The following LRRC4C variants were observed in gnomAD, a reference collection of about 807,000 sequenced individuals.
The protein encoded by LRRC4C is leucine-rich repeat-containing protein 4C.
Under a neutral mutation model 33.6 loss-of-function variants are expected in LRRC4C, and 5 were observed. The ratio of observed to expected loss-of-function variants is 0.15; its 90% CI spans 0.08 to 0.31. The LOEUF is 0.31. LRRC4C is among the 10% of genes least tolerant of loss of function. LRRC4C has a pLI of 1.00. For missense variants in LRRC4C, 560 were observed against 796.7 expected (o/e 0.70, Z 3.58); for synonymous variants, 329 against 302.0 (o/e 1.09, Z -0.93).
intron 1 of LRRC4C, among the ~76,000 whole-genome samples, chr11:41,001,622 A>T (rs1044986254): frequency 2.0e-5 from 3 of 152,046 alleles, no homozygotes; most frequent in Non-Finnish European, 4.4e-5. Context: ...TAAAAAAAAA[A>T]ATCCACCCAC....
chr11:40,164,008 C>T (rs1436845696), intron 5 of LRRC4C, among the ~76,000 whole-genome samples: 1 of 152,124 alleles, frequency 6.6e-6, no homozygotes, highest in Non-Finnish European at 1.5e-5. Flanking sequence ...TATGTTAGCA[C>T]ATTGTAGCAA....
intron 1 of LRRC4C, among the ~76,000 whole-genome samples, chr11:40,967,239 G>T (rs1851427137): frequency 6.6e-6 from 1 of 151,648 alleles, no homozygotes; most frequent in African/African-American, 2.4e-5. Flanking sequence ...AGAAAGTCAG[G>T]GAAAGAGAAG....
At chr11:40,921,660 AT>A (rs1488436834) in intron 2 of LRRC4C, among the ~76,000 whole-genome samples, 1 of 152,214 alleles carries the variant, frequency 6.6e-6, no homozygotes, top group African/African-American at 2.4e-5. Context: ...TTTGAGGTAC[AT>A]ATGACATTTT....
At chr11:40,151,159 C>A (rs1179102605) in intron 5 of LRRC4C, among the ~76,000 whole-genome samples, 1 of 152,092 alleles carries the variant, frequency 6.6e-6, no homozygotes, top group East Asian at 1.9e-4. Flanking sequence ...CTAACTTTTC[C>A]CCAAGAGTTT....
chr11:40,898,278 C>T (rs993311463), intron 2 of LRRC4C, among the ~76,000 whole-genome samples: 10 of 138,948 alleles, frequency 7.2e-5, no homozygotes, highest in Admixed American at 7.1e-4. Flanking sequence ...TGCTTGAACC[C>T]GGGAGGCGGA....
intron 1 of LRRC4C, among the ~76,000 whole-genome samples, chr11:41,391,132 CTG>C (rs1187466996): frequency 1.3e-5 from 2 of 151,794 alleles, no homozygotes; most frequent in Non-Finnish European, 2.9e-5. Flanking sequence ...CTCTTAAACT[CTG>C]GGGTTTGTGA....
At chr11:41,097,321 G>T (rs1479686810) in intron 1 of LRRC4C, among the ~76,000 whole-genome samples, 1 of 152,158 alleles carries the variant, frequency 6.6e-6, no homozygotes, top group Non-Finnish European at 1.5e-5. Flanking sequence ...GTTGTTGATT[G>T]TCCTCTGGAT....
chr11:40,725,322 T>C (rs528198513), intron 2 of LRRC4C, among the ~76,000 whole-genome samples: 1 of 152,122 alleles, frequency 6.6e-6, no homozygotes, highest in Non-Finnish European at 1.5e-5. Context: ...CTGGCCAACA[T>C]AGTGAAATCC....
At chr11:40,404,497 G>A (rs1298704971) in intron 3 of LRRC4C, among the ~76,000 whole-genome samples, 4 of 152,038 alleles carry the variant, frequency 2.6e-5, no homozygotes, top group Admixed American at 2.6e-4. Flanking sequence ...TTCTCGTCCT[G>A]CAATTCTCCC....
chr11:41,051,006 G>C (rs1221753463), intron 1 of LRRC4C, among the ~76,000 whole-genome samples: 1 of 152,048 alleles, frequency 6.6e-6, no homozygotes, highest in Non-Finnish European at 1.5e-5. Context: ...TGGGAGCCTG[G>C]GAGCTTGTAA....
chr11:41,007,835 T>G (rs2137479349), intron 1 of LRRC4C, among the ~76,000 whole-genome samples: 1 of 152,236 alleles, frequency 6.6e-6, no homozygotes, highest in African/African-American at 2.4e-5. Flanking sequence ...ATATCCAACT[T>G]AATACAGCTA....
intron 3 of LRRC4C, among the ~76,000 whole-genome samples, chr11:40,436,214 C>T (rs113749465): frequency 3.3e-5 from 5 of 152,228 alleles, no homozygotes; most frequent in African/African-American, 1.2e-4. Context: ...ATTAGCTATG[C>T]TCATTTTTTC....
Position 41,398,365 on chromosome 11 carries a change from C to T in LRRC4C, c.-496+61066G>A, listed in dbSNP as rs181849065. 7.4e-4 allele frequency among the ~76,000 whole-genome samples: 111 copies of T among 150,330 alleles called. 1 individual carries two copies. The highest frequency in any genetic ancestry group is 2.7e-3 in the African/African-American group (108 of 39,848). On this transcript the variant is annotated intron_variant, in intron 1 of 6. Coordinates refer to ENST00000528697, the MANE Select transcript of LRRC4C (RefSeq NM_001258419.2). ...TGTGACTAATGCAGAAATCCCATTACGTACTCTCTCTAGTCTACATGTTTA... is the reference window on the plus strand; with the variant it reads ...TGTGACTAATGCAGAAATCCCATTATGTACTCTCTCTAGTCTACATGTTTA...
chr11:41,168,271 T>TA (rs1175624633), intron 1 of LRRC4C, among the ~76,000 whole-genome samples: 3 of 152,162 alleles, frequency 2.0e-5, no homozygotes, highest in African/African-American at 7.2e-5. Flanking sequence ...ACCTATCTGT[T>TA]AAAAAACTGA....
intron 2 of LRRC4C, among the ~76,000 whole-genome samples, chr11:40,733,223 CTG>C (rs1199954036): frequency 3.3e-5 from 5 of 151,362 alleles, no homozygotes; most frequent in African/African-American, 7.3e-5. Flanking sequence ...CAACAGGCGC[CTG>C]CCACCACACC....
At chr11:40,895,889 C>T (rs1955917169) in intron 2 of LRRC4C, among the ~76,000 whole-genome samples, 1 of 152,130 alleles carries the variant, frequency 6.6e-6, no homozygotes, top group Non-Finnish European at 1.5e-5. Context: ...TCTGAAATTT[C>T]AGTCACATTT....
At chr11:41,429,864 G>T (rs540363133) in intron 1 of LRRC4C, among the ~76,000 whole-genome samples, 16 of 152,186 alleles carry the variant, frequency 1.1e-4, no homozygotes, top group South Asian at 8.3e-4. Context: ...ATCCCCTGGA[G>T]AGGTTAGATA....
intron 2 of LRRC4C, among the ~76,000 whole-genome samples, chr11:40,899,671 G>A (rs1956124049): frequency 6.6e-6 from 1 of 152,076 alleles, no homozygotes; most frequent in African/African-American, 2.4e-5. Flanking sequence ...AAGGCTGCAT[G>A]GTGATTGCAC....
intron 6 of LRRC4C, among the ~76,000 whole-genome samples, chr11:40,128,737 C>G (rs1056053044): frequency 1.3e-5 from 2 of 152,052 alleles, no homozygotes; most frequent in African/African-American, 4.8e-5. Flanking sequence ...CAGCCTTGTT[C>G]CCGCCTCAGG....
Sources: allele counts gnomAD v4.1 joint callset (sites outside exome capture counted in the v4.1 genomes callset), GRCh38; gene constraint gnomAD v4.1.1; transcripts MANE v1.5; gene names NCBI Gene and HGNC (gene_info 2026-07-23, HGNC 2026-07-21).